The following BOK variants were observed in gnomAD, a reference collection of about 807,000 sequenced individuals.
BOK encodes bcl-2-related ovarian killer protein.
In BOK, 20 loss-of-function variants were observed where a neutral mutation model predicts 18.3. That is an observed-to-expected ratio of 1.09 (90% CI 0.77 to 1.59). BOK has a LOEUF of 1.59. Among genes scored for constraint, BOK ranks in the 40% most tolerant of loss-of-function variants. BOK has a pLI of 0.00. For synonymous variants in BOK, 173 were observed against 142.4 expected, an observed-to-expected ratio of 1.21 and a Z score of -1.53; for missense variants, 348 against 307.9, an observed-to-expected ratio of 1.13 and a Z score of -0.97.
chr2:241,568,744 C>T (rs940895464), intron 3 of BOK, among the ~76,000 whole-genome samples: 1 of 152,246 alleles, frequency 6.6e-6, no homozygotes, highest in Non-Finnish European at 1.5e-5. Context: ...GTAACATCCA[C>T]CACATTTGTA....
chr2:241,562,036 C>T lies in BOK; in HGVS notation c.221-312C>T, dbSNP rs1399831097. Among the ~76,000 whole-genome samples the T allele has an allele frequency of 6.6e-6, 1 of 152,248 alleles. No individual in the cohort carries two copies. Among genetic ancestry groups the T allele is most frequent in the East Asian group, 1.9e-4 (1 of 5,190 alleles). ...GTCGGCTGTGAGTCACCAGCAGGCA[C>T]GGCCCACGCTCTCGCAGGATTCCCG... On this transcript the variant is annotated intron_variant, in intron 2 of 4. Transcript: ENST00000318407. The surrounding 1 kb of genome is among the most constrained non-coding windows in gnomAD (Gnocchi z 4.5).
At chr2:241,559,996 A>G in intron 2 of BOK, 1 of 871,662 alleles carries the variant, frequency 1.1e-6, no homozygotes. Context: ...AAGCTTCCAC[A>G]GTGACCCTTG....
intron 3 of BOK, among the ~76,000 whole-genome samples, chr2:241,569,436 G>A (rs2066670377): frequency 2.0e-5 from 3 of 152,216 alleles, no homozygotes; most frequent in South Asian, 2.1e-4. Flanking sequence ...TGGCGTAAAA[G>A]CTTTTAATGC....
At chr2:241,554,691 G>A (rs2066437964), upstream of BOK, among the ~76,000 whole-genome samples, 1 of 152,218 alleles carries the variant, frequency 6.6e-6, no homozygotes, top group Admixed American at 6.5e-5. Context: ...AGGGAGCTGT[G>A]GGCTTTATCC....
At chr2:241,560,117 C>A (rs1399500137) in intron 2 of BOK, 1 of 985,198 alleles carries the variant, frequency 1.0e-6, no homozygotes, top group Non-Finnish European at 1.2e-6. Flanking sequence ...CCTCTGGATT[C>A]CGAGGCCTCC....
At chr2:241,561,486 G>A (rs111498387) in intron 2 of BOK, among the ~76,000 whole-genome samples, 2 of 48,602 alleles carry the variant, frequency 4.1e-5, no homozygotes, top group Admixed American at 2.2e-4. Context: ...CCCAGGACAG[G>A]GGCCCAGCCA....
upstream of BOK, among the ~76,000 whole-genome samples, chr2:241,555,334 G>A (rs1223858164): frequency 1.3e-5 from 2 of 151,748 alleles, no homozygotes; most frequent in Admixed American, 6.6e-5. Context: ...CTACTAGTGC[G>A]GTGTCACCAT....
At chr2:241,563,109 T>G (rs4675931) in intron 3 of BOK, among the ~76,000 whole-genome samples, 113,259 of 151,982 alleles carry the variant, frequency 0.75, 43,182 homozygotes, top group African/African-American at 0.91. Context: ...GACCCTCCTG[T>G]GCGCTCCCAT....
intron 4 of BOK, 36 bp from the exon 5 acceptor site, chr2:241,572,261 G>T: frequency 6.3e-7 from 1 of 1,599,998 alleles, no homozygotes. Flanking sequence ...GGCGGTGCTG[G>T]CTCTGCTTTC....
At chr2:241,572,095 C>T (rs2066733281) in intron 4 of BOK, among the ~76,000 whole-genome samples, 1 of 152,260 alleles carries the variant, frequency 6.6e-6, no homozygotes, top group Non-Finnish European at 1.5e-5. Flanking sequence ...GCCCTTCACA[C>T]TGTCTGAATG....
intron 3 of BOK, among the ~76,000 whole-genome samples, chr2:241,563,413 G>A (rs1479020243): frequency 6.6e-6 from 1 of 152,222 alleles, no homozygotes; most frequent in Non-Finnish European, 1.5e-5. Context: ...CAGGCGCTGG[G>A]TGCTGCTGTT....
intron 4 of BOK, 56 bp from the exon 5 acceptor site, chr2:241,572,241 C>A (rs773690025): frequency 1.5e-5 from 24 of 1,591,702 alleles, no homozygotes; most frequent in Admixed American, 8.4e-5. Flanking sequence ...CCTGGCGGTG[C>A]TGGGGGCCTG....
At chr2:241,560,039 G>A (rs960053130) in intron 2 of BOK, 1 of 978,868 alleles carries the variant, frequency 1.0e-6, no homozygotes, top group African/African-American at 1.8e-5. Flanking sequence ...CTTTGTAGGA[G>A]CACGTGTCCC....
chr2:241,567,837 C>T lies in BOK; in HGVS notation c.350-2288C>T, dbSNP rs879310113. On this transcript the variant is annotated intron_variant, in intron 3 of 4. Coordinates refer to ENST00000318407, the MANE Select transcript of BOK (RefSeq NM_032515.5). ...ATTATCCACTTAAAAGTGTGCAATTCAGCAGCATCTGCCACATTCCCAGTG... is the reference window on the plus strand; with the variant it reads ...ATTATCCACTTAAAAGTGTGCAATTTAGCAGCATCTGCCACATTCCCAGTG... Among the ~76,000 whole-genome samples the T allele has an allele frequency of 4.3e-5, 6 of 139,746 alleles. 2 individuals are homozygous for T. Among genetic ancestry groups the T allele is most frequent in the Non-Finnish European group, 9.3e-5 (6 of 64,676 alleles). 91.7% of individuals were successfully genotyped at this position (139,746 alleles called of 152,430 possible). A position where few individuals can be genotyped will look rare whatever the true frequency, so the allele number is the denominator to read the frequency against.
chr2:241,568,242 TC>T (rs773167125), intron 3 of BOK, among the ~76,000 whole-genome samples: 1 of 152,180 alleles, frequency 6.6e-6, no homozygotes, highest in Non-Finnish European at 1.5e-5. Flanking sequence ...TGCCTCAGCC[TC>T]CCGAGTAGCT....
At position 241,563,953 on chromosome 2, in the gene BOK, AG is replaced by A. The variant is rs1240474235; in HGVS notation, c.349+1478del. Among the ~76,000 whole-genome samples, 3 of 152,116 alleles carry A rather than the reference AG, an allele frequency of 2.0e-5. 1 individual carries two copies. ...TGGGGTGTCCTCCAGCTCCTCTCCC[AG>A]ACGTCTCCTCCGACCCCTGGTGGGC... is the stretch of plus-strand genomic sequence containing the variant. On this transcript the variant is annotated intron_variant, in intron 3 of 4. Transcript: ENST00000318407.
chr2:241,555,038 CT>C (rs1347790171), upstream of BOK, among the ~76,000 whole-genome samples: 2 of 152,056 alleles, frequency 1.3e-5, no homozygotes, highest in African/African-American at 4.8e-5. Flanking sequence ...TCAAAGCACT[CT>C]TGGGAAATTG....
rs2066698948 is a variant in BOK, at chr2:241,570,419, G to A, written c.513+131G>A. The A allele has an allele frequency of 1.8e-5, 7 of 385,590 alleles. No individual in the cohort carries two copies. In the Admixed American group the frequency reaches 2.0e-4, roughly 11 times the overall value. The allele number at this position is 385,590 out of a possible 1,614,324, so 23.9% of individuals were successfully genotyped here. On this transcript the variant is annotated intron_variant, in intron 4 of 4. Transcript: ENST00000318407. Reference sequence around the variant, plus strand: ...AGAGCTGGGGTGCGAGGGTACAGACGTACGGGAGGGAGTGGCGGATGGGTG... The same window carrying A: ...AGAGCTGGGGTGCGAGGGTACAGACATACGGGAGGGAGTGGCGGATGGGTG...
chr2:241,571,073 TG>T (rs1296426775), intron 4 of BOK, among the ~76,000 whole-genome samples: 5 of 61,378 alleles, frequency 8.1e-5, no homozygotes, highest in Non-Finnish European at 1.7e-4. Flanking sequence ...TGAGCACTCC[TG>T]GGGGAGATGG....
Sources: allele counts gnomAD v4.1 joint callset (sites outside exome capture counted in the v4.1 genomes callset), GRCh38; gene constraint gnomAD v4.1.1; non-coding constraint Gnocchi (gnomAD v3.1); transcripts MANE v1.5; gene names NCBI Gene and HGNC (gene_info 2026-07-23, HGNC 2026-07-21).